The following ERBB4 variants were observed in gnomAD, a reference collection of about 807,000 sequenced individuals.
The protein encoded by ERBB4 is erb-b2 receptor tyrosine kinase 4, also known as receptor tyrosine-protein kinase erbB-4.
ERBB4 carries 42 observed loss-of-function variants against 158.0 expected under a neutral mutation model. The ratio of observed to expected loss-of-function variants is 0.27; its 90% CI spans 0.21 to 0.34. The LOEUF is 0.34. Among genes scored for constraint, ERBB4 ranks in the 10% least tolerant of loss-of-function variants. The probability of loss-of-function intolerance (pLI) is 1.00; values close to 1 mark genes in which losing one functional copy is unlikely to be tolerated. For synonymous variants in ERBB4, 583 were observed against 558.7 expected (o/e 1.04, Z -0.61); for missense variants, 1,333 against 1,624.1 (o/e 0.82, Z 3.08).
chr2:211,707,886 C>T (rs374835791), intron 9 of ERBB4, among the ~76,000 whole-genome samples: 7 of 151,214 alleles, frequency 4.6e-5, no homozygotes, highest in Non-Finnish European at 7.4e-5. Context: ...TTTTAAAAAG[C>T]GTAACAACCT....
At chr2:211,467,560 T>C (rs2064725074) in intron 20 of ERBB4, among the ~76,000 whole-genome samples, 1 of 152,134 alleles carries the variant, frequency 6.6e-6, no homozygotes, top group African/African-American at 2.4e-5. Context: ...CCTGTGTAAA[T>C]ATCTTCCCTG....
Position 212,062,948 on chromosome 2 carries a change from A to G in ERBB4, c.234+61804T>C, listed in dbSNP as rs140035227. ...GTGTTAAAAGAAAAAACAAAAAAGG[A>G]TTGTAGTACCTAGCTCACTGAGTTA... On this transcript the variant is annotated intron_variant, in intron 2 of 27. Transcript: ENST00000342788. Among the ~76,000 whole-genome samples, 23 of 152,286 alleles carry G rather than the reference A, an allele frequency of 1.5e-4. No homozygotes were observed. In the East Asian group the frequency reaches 3.5e-3, roughly 23 times the overall value.
At chr2:212,522,432 G>C (rs1180333410) in intron 1 of ERBB4, among the ~76,000 whole-genome samples, 4 of 150,804 alleles carry the variant, frequency 2.7e-5, no homozygotes, top group East Asian at 3.9e-4. Flanking sequence ...ATTATGAAAA[G>C]CGATAAGTAA....
chr2:211,925,784 T>C (rs982429165), intron 3 of ERBB4, among the ~76,000 whole-genome samples: 3 of 152,198 alleles, frequency 2.0e-5, no homozygotes, highest in Admixed American at 2.0e-4. Context: ...TATTTCACAA[T>C]AAAGAAAGAA....
chr2:211,402,512 T>A (rs1460207367), intron 25 of ERBB4, among the ~76,000 whole-genome samples: 3 of 152,022 alleles, frequency 2.0e-5, no homozygotes, highest in Non-Finnish European at 4.4e-5. Context: ...TCATTGCCAA[T>A]ATGAAGGCAT....
intron 3 of ERBB4, among the ~76,000 whole-genome samples, chr2:211,923,305 G>A (rs1407475845): frequency 6.6e-6 from 1 of 152,146 alleles, no homozygotes; most frequent in African/African-American, 2.4e-5. Context: ...CAGATGATGG[G>A]ATATAACTTA....
chr2:211,528,514 T>C lies in ERBB4; in HGVS notation c.2487+33389A>G, dbSNP rs915965077. On this transcript the variant is annotated intron_variant, in intron 20 of 27. Coordinates refer to ENST00000342788, the MANE Select transcript of ERBB4 (RefSeq NM_005235.3). ...TGCTCTATACACCAAATGGACCTAA[T>C]AGATATTTACAAAACATTTAATCCA... Among the ~76,000 whole-genome samples, 3 of 152,024 alleles carry C rather than the reference T, an allele frequency of 2.0e-5. No homozygotes were observed. The East Asian group carries it at 5.8e-4, about 29-fold the overall frequency.
chr2:212,080,069 T>C (rs2078390287), intron 2 of ERBB4, among the ~76,000 whole-genome samples: 1 of 152,078 alleles, frequency 6.6e-6, no homozygotes, highest in Non-Finnish European at 1.5e-5. Context: ...GGCTCACACC[T>C]GTAATCCCAG....
chr2:211,699,899 C>G (rs893696356), intron 12 of ERBB4, among the ~76,000 whole-genome samples: 16 of 152,108 alleles, frequency 1.1e-4, no homozygotes, highest in Non-Finnish European at 2.1e-4. Context: ...TTTTTCCCAT[C>G]TTGCTTCCCT....
intron 1 of ERBB4, among the ~76,000 whole-genome samples, chr2:212,371,695 A>T (rs1474316267): frequency 1.3e-5 from 2 of 152,240 alleles, no homozygotes; most frequent in South Asian, 2.1e-4. Flanking sequence ...GTTCCTATTG[A>T]TATCTCTGTG....
chr2:211,430,542 T>G (rs901196352), intron 21 of ERBB4, among the ~76,000 whole-genome samples: 1 of 152,098 alleles, frequency 6.6e-6, no homozygotes, highest in African/African-American at 2.4e-5. Context: ...TGAGAGAGAA[T>G]CTATGTTCTC....
intron 3 of ERBB4, among the ~76,000 whole-genome samples, chr2:211,858,033 A>G (rs570030101): frequency 6.6e-6 from 1 of 152,344 alleles, no homozygotes; most frequent in South Asian, 2.1e-4. Flanking sequence ...GAAAGCATGC[A>G]TATGTTTCTC....
Position 211,420,532 on chromosome 2 carries a change from T to C in ERBB4, c.3044A>G (p.Asp1015Gly). 3 of 1,612,740 alleles carry C rather than the reference T, an allele frequency of 1.9e-6. No individual in the cohort carries two copies. Among genetic ancestry groups the C allele is most frequent in the African/African-American group, 2.7e-5 (2 of 74,988 alleles). Reference sequence around the variant, plus strand: ...CAAGTACTCCTCAGCATCCATCATATCTTCCAAATCCTCTTCATCCAAGAG... The same window carrying C: ...CAAGTACTCCTCAGCATCCATCATACCTTCCAAATCCTCTTCATCCAAGAG... ...QNLLDEEDLE[D>G]MMDAEEYLVP... is the part of the protein sequence containing the mutation. Residue 1015 changes from aspartate to glycine, a missense_variant, in exon 25 of 28, where the codon GAT becomes GGT. Physicochemically the swap from Asp to Gly is moderately conservative, Grantham distance 94 (BLOSUM62 -1). Transcript: ENST00000342788.
In ERBB4 at chr2:211,461,085, G is replaced by GAA. The variant is rs34730738; in HGVS notation, c.2488-29987_2488-29986dup. On this transcript the variant is annotated intron_variant, in intron 20 of 27. Transcript: ENST00000342788. ...CTTTTGTAACTCCTAGAGATTGGGGGAAAAAAAAAAAATCCCTGCTTTTGA... is the reference window on the plus strand; with the variant it reads ...CTTTTGTAACTCCTAGAGATTGGGGGAAAAAAAAAAAAAATCCCTGCTTTTGA... Among the ~76,000 whole-genome samples, 106 of 147,038 alleles carry GAA rather than the reference G, an allele frequency of 7.2e-4. 1 individual carries two copies. The highest frequency in any genetic ancestry group is 2.1e-4 in the Non-Finnish European group (14 of 66,520).
chr2:212,314,989 C>CACAGCTTGAG lies in ERBB4; in HGVS notation c.83-190096_83-190087dup, dbSNP rs574094339. On this transcript the variant is annotated intron_variant, in intron 1 of 27. Coordinates refer to ENST00000342788, the MANE Select transcript of ERBB4 (RefSeq NM_005235.3). ...TTATTTGGTTTTTTAAAAGGCTAGT[C>CACAGCTTGAG]ACAGCTTGAGGTATCTTTCTGTACT... is the stretch of plus-strand genomic sequence containing the variant. Among the ~76,000 whole-genome samples, 347 of 151,334 alleles carry CACAGCTTGAG rather than the reference C, an allele frequency of 2.3e-3. 2 individuals carry two copies. Among genetic ancestry groups the CACAGCTTGAG allele is most frequent in the African/African-American group, 8.1e-3 (334 of 41,426 alleles).
chr2:212,066,101 T>A lies in ERBB4; in HGVS notation c.234+58651A>T, dbSNP rs1294109328. Among the ~76,000 whole-genome samples, 3 of 151,710 alleles carry A rather than the reference T, an allele frequency of 2.0e-5. No individual in the cohort carries two copies. The East Asian group carries it at 5.8e-4, about 29-fold the overall frequency. On this transcript the variant is annotated intron_variant, in intron 2 of 27. Coordinates refer to ENST00000342788, the MANE Select transcript of ERBB4 (RefSeq NM_005235.3). ...TGAAAGCCACAGAGAAATACTAGGG[T>A]TGAAAGTGGCCACTATTACTCATTC...
chr2:212,195,128 C>A (rs2082386072), intron 1 of ERBB4, among the ~76,000 whole-genome samples: 1 of 151,880 alleles, frequency 6.6e-6, no homozygotes, highest in Non-Finnish European at 1.5e-5. Flanking sequence ...TATAAATTCG[C>A]CATTAACTAT....
At chr2:212,510,705 C>A (rs572043879) in intron 1 of ERBB4, among the ~76,000 whole-genome samples, 1 of 152,054 alleles carries the variant, frequency 6.6e-6, no homozygotes, top group Non-Finnish European at 1.5e-5. Context: ...ATTGAAAAGC[C>A]TAACATCCTA....
chr2:211,388,971 G>A (rs1209848152), intron 25 of ERBB4, among the ~76,000 whole-genome samples: 1 of 152,090 alleles, frequency 6.6e-6, no homozygotes, highest in African/African-American at 2.4e-5. Context: ...TATTCTCTGC[G>A]ATCCAGCTTT....
Sources: allele counts gnomAD v4.1 joint callset (sites outside exome capture counted in the v4.1 genomes callset), GRCh38; gene constraint gnomAD v4.1.1; transcripts MANE v1.5; gene names NCBI Gene and HGNC (gene_info 2026-07-23, HGNC 2026-07-21).